F10: variants seen among roughly 807,000 people sequenced by gnomAD.
The protein encoded by F10 is coagulation factor X.
A neutral mutation model predicts 37.1 loss-of-function variants in F10; 29 were observed. The observed-to-expected ratio is 0.78, with a 90% CI of 0.58 to 1.07. F10 has a LOEUF of 1.07. Among genes scored for constraint, F10 ranks in the 50% least tolerant of loss-of-function variants. The pLI is 0.00. For missense variants in F10, 539 were observed against 667.9 expected, an observed-to-expected ratio of 0.81 and a Z score of 2.13; for synonymous variants, 262 against 268.6, an observed-to-expected ratio of 0.98 and a Z score of 0.24.
chr13:113,149,455 AG>A lies in F10; in HGVS notation c.1409del (p.Gly470AlafsTer13). ...LKWIDRSMKTRGLPKAKSHAP... is the reference protein window; with the variant it reads ...LKWIDRSMKTXGLPKAKSHAP... ...GTGGATCGACAGGTCCATGAAAACC[AG>A]GGGCTTGCCCAAGGCCAAGAGCCAT... On this transcript the variant is annotated frameshift_variant, in exon 8 of 8. Coordinates refer to ENST00000375559, the MANE Select transcript of F10 (RefSeq NM_000504.4). LOFTEE classifies it low-confidence loss of function (END_TRUNC). The surrounding 1 kb of genome is among the most constrained non-coding windows in gnomAD (Gnocchi z 7.5). The A allele has an allele frequency of 6.2e-7, 1 of 1,613,354 alleles. No individual in the cohort carries two copies.
intron 7 of F10, among the ~76,000 whole-genome samples, chr13:113,148,339 A>T (rs1300913493): frequency 1.9e-5 from 2 of 106,118 alleles, no homozygotes; most frequent in African/African-American, 7.8e-5. Context: ...TCAAAAAAAA[A>T]AAAAAAATAT....
intron 2 of F10, among the ~76,000 whole-genome samples, chr13:113,133,293 AGACT>A (rs1176546798): frequency 6.6e-6 from 1 of 152,178 alleles, no homozygotes; most frequent in Non-Finnish European, 1.5e-5. Context: ...AACTCAAACA[AGACT>A]GACAGGAATA....
At chr13:113,138,329 C>T in intron 2 of F10, 128 bp from the exon 3 acceptor site, 3 of 555,194 alleles carry the variant, frequency 5.4e-6, no homozygotes. Flanking sequence ...TAGAACAATT[C>T]ATTCCTAAAA....
chr13:113,136,448 C>CT (rs148780771), intron 2 of F10, among the ~76,000 whole-genome samples: 33,349 of 144,404 alleles, frequency 0.23, 3,976 homozygotes, highest in East Asian at 0.41. Context: ...CAACTCTAGT[C>CT]TTTTTTTTTT....
rs976084875 is a variant in F10, at chr13:113,141,319, T to C, written c.502+269T>C. 5.9e-5 allele frequency among the ~76,000 whole-genome samples: 9 copies of C among 152,156 alleles called. No homozygotes were observed. The highest frequency in any genetic ancestry group is 8.8e-5 in the Non-Finnish European group (6 of 68,008). ...CATCTGACAAATGGGACCAACACTA[T>C]TGCCTGACTGCTTGGGTGATCCCTG... On this transcript the variant is annotated intron_variant, in intron 5 of 7. Transcript: ENST00000375559. This position sits in a 1 kb window ranked among gnomAD's most constrained non-coding sequence, Gnocchi z 5.4.
rs2036526575 is a variant in F10 at position 113,141,392 on chromosome 13, T to G, written c.502+342T>G. ...CCCACCGCAGGCCCTCAGTCTGCAT[T>G]GGGACTGTGGGGGGATCCAGTGCAA... On this transcript the variant is annotated intron_variant, in intron 5 of 7. Coordinates refer to ENST00000375559, the MANE Select transcript of F10 (RefSeq NM_000504.4). The surrounding 1 kb of genome is among the most constrained non-coding windows in gnomAD (Gnocchi z 5.4). Among the ~76,000 whole-genome samples the G allele has an allele frequency of 6.6e-6, 1 of 152,100 alleles. No homozygotes were observed. The highest frequency in any genetic ancestry group is 2.1e-4 in the South Asian group (1 of 4,820).
Position 113,143,720 on chromosome 13 carries a change from G to A in F10, c.503-131G>A, listed in dbSNP as rs1257910045. On this transcript the variant is annotated intron_variant, in intron 5 of 7. Coordinates refer to ENST00000375559, the MANE Select transcript of F10 (RefSeq NM_000504.4). The surrounding 1 kb of genome is among the most constrained non-coding windows in gnomAD (Gnocchi z 6.8). Reference sequence around the variant, plus strand: ...GACGACGTGGGGCCTCGCCCTGCAAGCCCGCTGCCCCTCCGGGTGCCCCTG... The same window carrying A: ...GACGACGTGGGGCCTCGCCCTGCAAACCCGCTGCCCCTCCGGGTGCCCCTG... 6 of 1,419,238 alleles carry A rather than the reference G, an allele frequency of 4.2e-6. No individual in the cohort carries two copies. The highest frequency in any genetic ancestry group is 4.6e-5 in the East Asian group (2 of 43,168). The allele number at this position is 1,419,238 out of a possible 1,614,324, so 87.9% of individuals were successfully genotyped here.
chr13:113,137,601 G>A (rs1218945293), intron 2 of F10, among the ~76,000 whole-genome samples: 1 of 152,180 alleles, frequency 6.6e-6, no homozygotes, highest in Non-Finnish European at 1.5e-5. Flanking sequence ...CGCAGCTTTG[G>A]AGACAAGTCT....
chr13:113,134,235 CATG>C (rs1477488058), intron 2 of F10, among the ~76,000 whole-genome samples: 1 of 152,104 alleles, frequency 6.6e-6, no homozygotes, highest in African/African-American at 2.4e-5. Context: ...TTGAAGATGA[CATG>C]ATCATGCATA....
chr13:113,136,096 G>A (rs752695382), intron 2 of F10, among the ~76,000 whole-genome samples: 3 of 152,064 alleles, frequency 2.0e-5, no homozygotes, highest in African/African-American at 2.4e-5. Flanking sequence ...CAGCCAACTC[G>A]CCAAAGAGGA....
At chr13:113,145,149 G>A (rs1319905333) in intron 6 of F10, among the ~76,000 whole-genome samples, 1 of 152,122 alleles carries the variant, frequency 6.6e-6, no homozygotes, top group Non-Finnish European at 1.5e-5. Context: ...CAAAGTGCTG[G>A]GATTACAGGC....
In F10 at chr13:113,149,123, C is replaced by T. The variant is rs768222784; in HGVS notation, c.1073C>T (p.Thr358Met). ...WAESTLMTQK[T>M]GIVSGFGRTH... ...GAGTCCACGCTGATGACGCAGAAGA[C>T]GGGGATTGTGAGCGGCTTCGGGCGC... The change falls in exon 8 of 8, where the codon ACG (threonine) becomes ATG (methionine). Residue 358 changes from threonine to methionine, a missense_variant. By Grantham distance (81) the Thr-to-Met change is moderately conservative. Transcript: ENST00000375559. This position sits in a 1 kb window ranked among gnomAD's most constrained non-coding sequence, Gnocchi z 7.5. 9 of 1,612,938 alleles carry T rather than the reference C, an allele frequency of 5.6e-6. No homozygotes were observed. The highest frequency in any genetic ancestry group is 1.7e-5 in the Admixed American group (1 of 60,002).
chr13:113,132,557 A>G (rs2142256276), intron 2 of F10, among the ~76,000 whole-genome samples: 1 of 152,362 alleles, frequency 6.6e-6, no homozygotes. Flanking sequence ...TAAGATGAAG[A>G]AATCACATTC....
At chr13:113,137,027 C>G (rs1180514299) in intron 2 of F10, among the ~76,000 whole-genome samples, 22 of 151,990 alleles carry the variant, frequency 1.4e-4, no homozygotes, top group Non-Finnish European at 7.4e-5. Flanking sequence ...TCAAGTGATC[C>G]ACCCGCCTCA....
In F10 at chr13:113,146,959, G is replaced by C. The variant is rs2036587942; in HGVS notation, c.748-420G>C. On this transcript the variant is annotated intron_variant, in intron 6 of 7. Coordinates refer to ENST00000375559, the MANE Select transcript of F10 (RefSeq NM_000504.4). This position sits in a 1 kb window ranked among gnomAD's most constrained non-coding sequence, Gnocchi z 4.5. ...AGGTGTCCGTGCACCATGGGGGACA[G>C]GCTCACACTGCTGAACCGTCGGGAC... 6.6e-6 allele frequency among the ~76,000 whole-genome samples: 1 copy of C among 152,174 alleles called. No homozygotes were observed. Among genetic ancestry groups the C allele is most frequent in the Non-Finnish European group, 1.5e-5 (1 of 68,026 alleles).
rs764756278 is a variant in F10 at position 113,141,028 on chromosome 13, C to T, written c.480C>T (p.Asn160=). ...CCCGCGGGTACACCCTGGCTGACAACGGCAAGGCCTGCATTCCCACAGGTA... is the reference window on the plus strand; with the variant it reads ...CCCGCGGGTACACCCTGGCTGACAATGGCAAGGCCTGCATTCCCACAGGTA... ...SCARGYTLAD[N]GKACIPTGPY... Residue 160 remains asparagine, a synonymous_variant, in exon 5 of 8, where the codon AAC becomes AAT. Transcript: ENST00000375559. This position sits in a 1 kb window ranked among gnomAD's most constrained non-coding sequence, Gnocchi z 5.4. 1.5e-5 allele frequency: 25 copies of T among 1,613,850 alleles called. No homozygotes were observed. The East Asian group carries it at 2.5e-4, about 16-fold the overall frequency.
At chr13:113,128,547 C>T (rs1289274901) in intron 1 of F10, 1 of 152,192 alleles carries the variant, frequency 6.6e-6, no homozygotes, top group African/African-American at 2.4e-5. Context: ...CAACTGTTTC[C>T]TCTTCAGACC....
At chr13:113,148,519 T>C (rs796458837) in intron 7 of F10, among the ~76,000 whole-genome samples, 11 of 152,210 alleles carry the variant, frequency 7.2e-5, no homozygotes, top group African/African-American at 2.6e-4. Context: ...TTTTCTTTCA[T>C]GCTAAGTCTC....
intron 1 of F10, among the ~76,000 whole-genome samples, chr13:113,123,844 C>G (rs1458688890): frequency 6.6e-6 from 1 of 151,802 alleles, no homozygotes; most frequent in Non-Finnish European, 1.5e-5. Flanking sequence ...CAGCCTCTGT[C>G]CCCTGAGCCA....
Sources: gnomAD v4.1 joint callset for allele counts (sites outside exome capture counted in the v4.1 genomes callset) on GRCh38, gnomAD v4.1.1 for gene constraint, Gnocchi (gnomAD v3.1) non-coding constraint, MANE v1.5 for transcripts, NCBI Gene and HGNC (gene_info 2026-07-23, HGNC 2026-07-21) for gene names.